Variants in DPYD observed in about 807,000 individuals in gnomAD.
The protein encoded by DPYD is dihydropyrimidine dehydrogenase, also known as dihydropyrimidine dehydrogenase [NADP(+)].
DPYD carries 109 observed loss-of-function variants against 116.2 expected under a neutral mutation model. That is an observed-to-expected ratio of 0.94 (90% CI 0.80 to 1.10). The LOEUF is 1.10. DPYD is among the 50% of genes least tolerant of loss of function. DPYD has a pLI of 0.00. For synonymous variants in DPYD, 440 were observed against 432.0 expected (o/e 1.02, Z -0.23); for missense variants, 1,302 against 1,254.5 (o/e 1.04, Z -0.57).
chr1:97,084,142 G>T (rs967329219), intron 21 of DPYD, among the ~76,000 whole-genome samples: 3 of 151,812 alleles, frequency 2.0e-5, no homozygotes, highest in Non-Finnish European at 4.4e-5. Flanking sequence ...TTAGGCACAG[G>T]CTTACCACGC....
chr1:97,107,621 CT>C (rs1651266452), intron 20 of DPYD, among the ~76,000 whole-genome samples: 1 of 152,060 alleles, frequency 6.6e-6, no homozygotes, highest in African/African-American at 2.4e-5. Flanking sequence ...TACATTATCT[CT>C]TCCTTATTGC....
At position 97,795,274 on chromosome 1, in the gene DPYD, C is replaced by A. The variant is rs145462916; in HGVS notation, c.233+32840G>T. 1.9e-4 allele frequency among the ~76,000 whole-genome samples: 29 copies of A among 152,158 alleles called. No individual in the cohort carries two copies. The East Asian group carries it at 5.6e-3, about 29-fold the overall frequency. Reference sequence around the variant, plus strand: ...AATGGGAGGCAGTTTACTACATATTCACCATATTTAATTCATTCATTCAAC... The same window carrying A: ...AATGGGAGGCAGTTTACTACATATTAACCATATTTAATTCATTCATTCAAC... On this transcript the variant is annotated intron_variant, in intron 3 of 22. Transcript: ENST00000370192.
chr1:97,517,863 T>A (rs189089404), intron 12 of DPYD, among the ~76,000 whole-genome samples: 33 of 152,260 alleles, frequency 2.2e-4, no homozygotes, highest in African/African-American at 7.9e-4. Flanking sequence ...GTGAAATAAG[T>A]GAACTTACAA....
intron 1 of DPYD, among the ~76,000 whole-genome samples, chr1:97,894,381 A>G (rs1672946087): frequency 6.6e-6 from 1 of 151,838 alleles, no homozygotes; most frequent in Non-Finnish European, 1.5e-5. Flanking sequence ...TTGAGGGGAC[A>G]TAAACAGTTC....
intron 16 of DPYD, among the ~76,000 whole-genome samples, chr1:97,325,335 C>T (rs1056685517): frequency 1.3e-5 from 2 of 151,944 alleles, no homozygotes; most frequent in Admixed American, 1.3e-4. Flanking sequence ...TATTTCATAC[C>T]TTTCAAATTG....
At chr1:97,640,618 C>A (rs906646661) in intron 8 of DPYD, among the ~76,000 whole-genome samples, 3 of 152,044 alleles carry the variant, frequency 2.0e-5, no homozygotes, top group African/African-American at 7.2e-5. Flanking sequence ...AATTTATTTA[C>A]TTTCTGTTAG....
intron 3 of DPYD, among the ~76,000 whole-genome samples, chr1:97,757,704 G>A (rs1487615723): frequency 6.6e-6 from 1 of 151,988 alleles, no homozygotes; most frequent in African/African-American, 2.4e-5. Context: ...TAAAAATAAT[G>A]TAGACAGCTA....
At chr1:97,107,947 T>TA (rs1325729280) in intron 20 of DPYD, among the ~76,000 whole-genome samples, 5 of 152,012 alleles carry the variant, frequency 3.3e-5, no homozygotes, top group African/African-American at 4.8e-5. Context: ...TAGAAACCAT[T>TA]AAAAAAAATG....
chr1:97,082,407 C>T lies in DPYD; in HGVS notation c.2830G>A (p.Val944Ile). The T allele has an allele frequency of 6.2e-7, 1 of 1,613,722 alleles. No homozygotes were observed. Among genetic ancestry groups the T allele is most frequent in the Non-Finnish European group, 8.5e-7 (1 of 1,179,674 alleles). The change falls in exon 22 of 23, where the codon GTT (valine) becomes ATT (isoleucine). Residue 944 changes from valine (V) to isoleucine (I), a missense_variant. Coordinates refer to ENST00000370192, the MANE Select transcript of DPYD (RefSeq NM_000110.4). ...ATTTCTTCATCAATCATAGCCACAA[C>T]TTGCTCTACGTTGCTCAATTCACCA... ...TFGELSNVEQVVAMIDEEMCI... is the reference protein window; with the variant it reads ...TFGELSNVEQIVAMIDEEMCI...
intron 5 of DPYD, among the ~76,000 whole-genome samples, chr1:97,716,211 T>A (rs2101013919): frequency 6.6e-6 from 1 of 152,214 alleles, no homozygotes; most frequent in East Asian, 1.9e-4. Flanking sequence ...CTACCCTTGA[T>A]AAAATATAGA....
chr1:97,747,695 C>A (rs561516550), intron 3 of DPYD, among the ~76,000 whole-genome samples: 37 of 152,226 alleles, frequency 2.4e-4, no homozygotes, highest in African/African-American at 8.9e-4. Flanking sequence ...TTCGTGTATA[C>A]TAATATTAAG....
intron 8 of DPYD, among the ~76,000 whole-genome samples, chr1:97,610,206 C>T (rs7554746): frequency 0.12 from 18,481 of 151,860 alleles, 1,217 homozygotes; most frequent in Admixed American, 0.17. Context: ...GTTCTTATCC[C>T]TTAAAAACAG....
intron 19 of DPYD, among the ~76,000 whole-genome samples, chr1:97,206,642 A>ATATATGTGTG (rs1553233568): frequency 4.4e-5 from 1 of 22,852 alleles, no homozygotes; most frequent in African/African-American, 4.8e-4. Context: ...GAGATTTTAT[A>ATATATGTGTG]TATATATATA....
chr1:97,795,650 C>A (rs1173222040), intron 3 of DPYD, among the ~76,000 whole-genome samples: 7 of 151,842 alleles, frequency 4.6e-5, no homozygotes, highest in African/African-American at 1.7e-4. Flanking sequence ...CATGTACTCA[C>A]CATTGTAGCT....
chr1:97,700,994 AC>A (rs1002573882), intron 5 of DPYD, among the ~76,000 whole-genome samples: 2 of 151,312 alleles, frequency 1.3e-5, no homozygotes, highest in African/African-American at 4.8e-5. Context: ...AAACAAAGAA[AC>A]AAATGGTAAG....
At chr1:97,266,929 T>C (rs1447949052) in intron 18 of DPYD, among the ~76,000 whole-genome samples, 4 of 152,164 alleles carry the variant, frequency 2.6e-5, no homozygotes, top group Non-Finnish European at 4.4e-5. Flanking sequence ...CAGTCTATCA[T>C]TGATAGACAT....
intron 6 of DPYD, among the ~76,000 whole-genome samples, chr1:97,693,660 T>A (rs185201608): frequency 5.9e-5 from 9 of 152,256 alleles, no homozygotes; most frequent in African/African-American, 1.9e-4. Flanking sequence ...TGGGCACTGA[T>A]GCAGATCCTC....
intron 10 of DPYD, among the ~76,000 whole-genome samples, chr1:97,588,685 C>T (rs970489629): frequency 1.3e-5 from 2 of 152,100 alleles, no homozygotes; most frequent in African/African-American, 4.8e-5. Context: ...AGGATAGTGT[C>T]GAGTGATTGG....
intron 18 of DPYD, among the ~76,000 whole-genome samples, chr1:97,264,666 G>T (rs1037243066): frequency 6.6e-6 from 1 of 151,980 alleles, no homozygotes; most frequent in Non-Finnish European, 1.5e-5. Context: ...CTTCCTAAAT[G>T]TCAGCTGATC....
Sources: gnomAD v4.1 joint callset for allele counts (sites outside exome capture counted in the v4.1 genomes callset) on GRCh38, gnomAD v4.1.1 for gene constraint, MANE v1.5 for transcripts, NCBI Gene and HGNC (gene_info 2026-07-23, HGNC 2026-07-21) for gene names.